The following MS4A10 variants were observed in gnomAD, a reference collection of about 807,000 sequenced individuals.
MS4A10 encodes the protein membrane spanning 4-domains A10, also known as membrane-spanning 4-domains subfamily A member 10.
Under a neutral mutation model 27.7 loss-of-function variants are expected in MS4A10, and 27 were observed. That is an observed-to-expected ratio of 0.98 (90% CI 0.72 to 1.35). MS4A10 has a LOEUF of 1.35. Ranked by LOEUF, MS4A10 falls within the 40% of genes most tolerant of loss-of-function variation. The pLI, the probability that MS4A10 is intolerant of heterozygous loss-of-function variation, is 0.00. For missense variants in MS4A10, 338 were observed against 324.7 expected (o/e 1.04, Z -0.32); for synonymous variants, 139 against 131.2 (o/e 1.06, Z -0.41).
chr11:60,790,824 G>A (rs114505983), intron 2 of MS4A10, 150 bp from the exon 3 acceptor site: 2 of 1,182,078 alleles, frequency 1.7e-6, no homozygotes, highest in African/African-American at 3.1e-5. Context: ...GGAAATCCTG[G>A]GGAGTGGTCC....
intron 1 of MS4A10, among the ~76,000 whole-genome samples, chr11:60,789,810 C>T (rs1333987925): frequency 6.6e-6 from 1 of 152,194 alleles, no homozygotes; most frequent in Non-Finnish European, 1.5e-5. Context: ...CTTCCTGACT[C>T]AGTGTTGGCT....
chr11:60,786,246 C>A (rs148751582), intron 1 of MS4A10, among the ~76,000 whole-genome samples: 32 of 152,086 alleles, frequency 2.1e-4, no homozygotes, highest in African/African-American at 7.7e-4. Flanking sequence ...TAGGGCTCCA[C>A]TGCACAGTCT....
chr11:60,790,907 A>T, intron 2 of MS4A10, 67 bp from the exon 3 acceptor site: 1 of 1,596,538 alleles, frequency 6.3e-7, no homozygotes, highest in Non-Finnish European at 8.5e-7. Flanking sequence ...GGTCCAGGGC[A>T]CTAGTGGCCT....
chr11:60,795,240 G>T (rs1431136661), intron 5 of MS4A10, among the ~76,000 whole-genome samples: 1 of 152,088 alleles, frequency 6.6e-6, no homozygotes, highest in East Asian at 1.9e-4. Context: ...TGTCAAATAG[G>T]CTTGGATCAG....
In MS4A10 at chr11:60,794,103, G is replaced by T. The variant is rs367728527; in HGVS notation, c.492G>T (p.Thr164=). 6.2e-7 allele frequency: 1 copy of T among 1,614,038 alleles called. No homozygotes were observed. Residue 164 remains threonine, a splice_region_variant and synonymous_variant, in exon 5 of 8, where the codon ACG becomes ACT. Transcript: ENST00000308287. ...SPIWRMYPNS[T]VHIQRLELAL... is the part of the protein sequence containing the mutation. ...TCTGGAGAATGTACCCCAACTCCAC[G>T]GTGAGTACCCAGGCCTGGAGGGCCC...
chr11:60,800,402 C>G lies in MS4A10; in HGVS notation c.*493C>G, dbSNP rs1222233064. 6.4e-6 allele frequency: 1 copy of G among 156,930 alleles called. No individual in the cohort carries two copies. Among genetic ancestry groups the G allele is most frequent in the Non-Finnish European group, 1.4e-5 (1 of 70,950 alleles). 9.7% of individuals were successfully genotyped at this position (156,930 alleles called of 1,614,324 possible). The stretch of plus-strand genomic sequence containing the variant: ...CTGACCTCAGGTGATCCACCTGCCT[C>G]AGCCTCCCAAAGTGCTGGGATTACA... On this transcript the variant is annotated 3_prime_UTR_variant, in exon 8 of 8. Transcript: ENST00000308287.
At position 60,800,116 on chromosome 11, in the gene MS4A10, G is replaced by A. The variant is rs10792292; in HGVS notation, c.*207G>A. On this transcript the variant is annotated 3_prime_UTR_variant, in exon 8 of 8. Transcript: ENST00000308287. ...TAGTTGATGGCTCGATATCTGTGGT[G>A]GCCCAGATTGTTTTGTTTTGTTTCG... The A allele has an allele frequency of 0.49, 325,546 of 659,388 alleles. 84,915 individuals are homozygous for A. Among genetic ancestry groups the A allele is most frequent in the East Asian group, 0.83 (31,677 of 38,170 alleles). The allele number at this position is 659,388 out of a possible 1,614,324, so 40.8% of individuals were successfully genotyped here. A position where few individuals can be genotyped will look rare whatever the true frequency, so the allele number is the denominator to read the frequency against.
chr11:60,786,580 C>A (rs1590994647), intron 1 of MS4A10, among the ~76,000 whole-genome samples: 1 of 152,124 alleles, frequency 6.6e-6, no homozygotes, highest in South Asian at 2.1e-4. Flanking sequence ...AACCAAGAAC[C>A]AGACGAGGAC....
chr11:60,795,067 T>C (rs957824008), intron 5 of MS4A10, among the ~76,000 whole-genome samples: 11 of 152,152 alleles, frequency 7.2e-5, no homozygotes, highest in African/African-American at 2.2e-4. Context: ...ATCACATGCA[T>C]GTGCGAGCAT....
intron 5 of MS4A10, among the ~76,000 whole-genome samples, chr11:60,794,556 G>T (rs758467284): frequency 6.6e-6 from 1 of 152,228 alleles, no homozygotes; most frequent in Non-Finnish European, 1.5e-5. Context: ...AGAGAGGCTA[G>T]ATTAGTGGGT....
In MS4A10 at chr11:60,801,224, C is replaced by T. The variant is rs1854632564; in HGVS notation, c.*1315C>T. The T allele has an allele frequency of 6.6e-6, 1 of 152,248 alleles. No homozygotes were observed. Among genetic ancestry groups the T allele is most frequent in the Non-Finnish European group, 1.5e-5 (1 of 68,050 alleles). The allele number at this position is 152,248 out of a possible 1,614,324, so 9.4% of individuals were successfully genotyped here. On this transcript the variant is annotated 3_prime_UTR_variant, in exon 8 of 8. Coordinates refer to ENST00000308287, the MANE Select transcript of MS4A10 (RefSeq NM_206893.4). ...TGCGGGTTTGACTCAGTCCCTTCCCCTCACTAGGTCCCAGTTTCTCCATTT... is the reference window on the plus strand; with the variant it reads ...TGCGGGTTTGACTCAGTCCCTTCCCTTCACTAGGTCCCAGTTTCTCCATTT...
intron 6 of MS4A10, among the ~76,000 whole-genome samples, chr11:60,797,009 C>T (rs1854544155): frequency 6.6e-6 from 1 of 152,096 alleles, no homozygotes; most frequent in Non-Finnish European, 1.5e-5. Flanking sequence ...TGTTAGTGAC[C>T]TCATCACACA....
intron 1 of MS4A10, among the ~76,000 whole-genome samples, chr11:60,788,089 G>T (rs1565079851): frequency 6.6e-6 from 1 of 152,066 alleles, no homozygotes; most frequent in Admixed American, 6.6e-5. Flanking sequence ...TTTGGGAAAT[G>T]CCCTTAATAC....
chr11:60,795,096 G>A (rs965389704), intron 5 of MS4A10, among the ~76,000 whole-genome samples: 21 of 152,116 alleles, frequency 1.4e-4, no homozygotes, highest in Non-Finnish European at 2.5e-4. Flanking sequence ...ACACATGTGC[G>A]TGCACACACA....
At position 60,786,172 on chromosome 11, in the gene MS4A10, T is replaced by TGCACACACAC. The variant is rs1554971087; in HGVS notation, c.-23+752_-23+761dup. Among the ~76,000 whole-genome samples the TGCACACACAC allele has an allele frequency of 4.6e-5, 6 of 131,500 alleles. No homozygotes were observed. The East Asian group carries it at 8.4e-4, about 18-fold the overall frequency. The allele number at this position is 131,500 out of a possible 152,430, so 86.3% of individuals were successfully genotyped here. On this transcript the variant is annotated intron_variant, in intron 1 of 7. Transcript: ENST00000308287. Reference sequence around the variant, plus strand: ...ATGCATGCACATGCATGCACACACATGCACACACACACACACGCACACACA... The same window carrying TGCACACACAC: ...ATGCATGCACATGCATGCACACACATGCACACACACGCACACACACACACACGCACACACA...
At chr11:60,793,858 A>T in intron 4 of MS4A10, 114 bp from the exon 5 acceptor site, 3 of 1,223,220 alleles carry the variant, frequency 2.5e-6, no homozygotes, top group Non-Finnish European at 3.5e-6. Flanking sequence ...GGGCCCAGTG[A>T]CAGGCAGAGT....
chr11:60,792,363 G>A (rs558784283), intron 4 of MS4A10, 42 bp downstream of exon 4: 7 of 1,451,058 alleles, frequency 4.8e-6, no homozygotes, highest in Non-Finnish European at 6.8e-6. Context: ...ATCTGAGCAT[G>A]GCATAACTTT....
chr11:60,790,374 TA>T lies in MS4A10; in HGVS notation c.40del (p.Arg14GlyfsTer68), dbSNP rs1445393444. On this transcript the variant is annotated frameshift_variant, in exon 2 of 8. Transcript: ENST00000308287. LOFTEE classifies it high-confidence loss of function. ...CCACAGTTATTCCCAGCCGTTGTGCTAGGGGGCTCCCATCATGGCAAGTCCT... is the reference window on the plus strand; with the variant it reads ...CCACAGTTATTCCCAGCCGTTGTGCTGGGGGCTCCCATCATGGCAAGTCCT... The part of the protein sequence containing the change: ...EATVIPSRCA[R>X]GLPSWQVLSP... 1 of 1,614,092 alleles carries T rather than the reference TA, an allele frequency of 6.2e-7. No homozygotes were observed. The highest frequency in any genetic ancestry group is 8.5e-7 in the Non-Finnish European group (1 of 1,179,986).
chr11:60,785,944 G>T (rs1424264366), intron 1 of MS4A10, among the ~76,000 whole-genome samples: 1 of 152,052 alleles, frequency 6.6e-6, no homozygotes. Flanking sequence ...GCTGCTGGTG[G>T]GTGAGCTCTC....
Sources: gnomAD v4.1 joint callset for allele counts (sites outside exome capture counted in the v4.1 genomes callset) on GRCh38, gnomAD v4.1.1 for gene constraint, MANE v1.5 for transcripts, NCBI Gene and HGNC (gene_info 2026-07-23, HGNC 2026-07-21) for gene names.